The following MTSS1 variants were observed in gnomAD, a reference collection of about 807,000 sequenced individuals.
MTSS1 encodes the protein MTSS I-BAR domain containing 1.
Under a neutral mutation model 79.0 loss-of-function variants are expected in MTSS1, and 18 were observed. The ratio of observed to expected loss-of-function variants is 0.23; its 90% CI spans 0.16 to 0.34. MTSS1 has a LOEUF of 0.34. Among genes scored for constraint, MTSS1 ranks in the 10% least tolerant of loss-of-function variants. The probability of loss-of-function intolerance (pLI) is 1.00; values close to 1 mark genes in which losing one functional copy is unlikely to be tolerated. For missense variants in MTSS1, 815 were observed against 986.2 expected (o/e 0.83, Z 2.33); for synonymous variants, 341 against 368.6 (o/e 0.93, Z 0.86).
At chr8:124,574,686 G>A (rs919112667) in intron 6 of MTSS1, among the ~76,000 whole-genome samples, 3 of 152,194 alleles carry the variant, frequency 2.0e-5, no homozygotes, top group East Asian at 3.8e-4. Flanking sequence ...ACAAGCCAGT[G>A]GCTGTTCTCT....
chr8:124,562,630 C>T (rs1314639616), intron 10 of MTSS1, 152 bp downstream of exon 10: 4 of 761,922 alleles, frequency 5.2e-6, no homozygotes, highest in African/African-American at 1.8e-5. Flanking sequence ...TTTAGGGGAA[C>T]AATACATCTA....
At chr8:124,596,234 G>A (rs186641278) in intron 3 of MTSS1, among the ~76,000 whole-genome samples, 38 of 152,286 alleles carry the variant, frequency 2.5e-4, no homozygotes, top group African/African-American at 8.9e-4. Flanking sequence ...CTTGAAAGGA[G>A]AAGAAAGAAA....
At chr8:124,654,406 C>T (rs1361440275) in intron 3 of MTSS1, among the ~76,000 whole-genome samples, 12 of 152,232 alleles carry the variant, frequency 7.9e-5, no homozygotes, top group African/African-American at 1.7e-4. Flanking sequence ...TCACTTTCCA[C>T]GGTGAGAGGA....
rs147694951 is a variant in MTSS1 at position 124,678,055 on chromosome 8, C to T, written c.208+21471G>A. On this transcript the variant is annotated intron_variant, in intron 3 of 13. Coordinates refer to ENST00000518547, the MANE Select transcript of MTSS1 (RefSeq NM_014751.6). ...CTTTTCCCCCAAACATTTTGATCCCCGAGAGATTTTAGTGTTATAGCTTCA... is the reference window on the plus strand; with the variant it reads ...CTTTTCCCCCAAACATTTTGATCCCTGAGAGATTTTAGTGTTATAGCTTCA... 5.5e-3 allele frequency among the ~76,000 whole-genome samples: 842 copies of T among 152,192 alleles called. 2 individuals are homozygous for T. Among genetic ancestry groups the T allele is most frequent in the Non-Finnish European group, 9.2e-3 (625 of 68,018 alleles).
In MTSS1 at chr8:124,668,176, A is replaced by C. The variant is rs185052730; in HGVS notation, c.208+31350T>G. ...CAGGCCCGGCCAGCAACTGAGGAGGACACAGCGCAAGCGGCCACACGTGTG... is the reference window on the plus strand; with the variant it reads ...CAGGCCCGGCCAGCAACTGAGGAGGCCACAGCGCAAGCGGCCACACGTGTG... On this transcript the variant is annotated intron_variant, in intron 3 of 13. Transcript: ENST00000518547. Among the ~76,000 whole-genome samples the C allele has an allele frequency of 1.8e-3, 271 of 152,344 alleles. 1 individual carries two copies. The highest frequency in any genetic ancestry group is 6.3e-3 in the African/African-American group (261 of 41,580).
intron 3 of MTSS1, among the ~76,000 whole-genome samples, chr8:124,600,896 C>T (rs375243986): frequency 1.3e-5 from 2 of 152,074 alleles, no homozygotes; most frequent in Non-Finnish European, 2.9e-5. Flanking sequence ...GCATCCACAA[C>T]GTGGTTATTT....
chr8:124,686,521 T>C (rs1326803204), intron 3 of MTSS1, among the ~76,000 whole-genome samples: 1 of 152,152 alleles, frequency 6.6e-6, no homozygotes, highest in Non-Finnish European at 1.5e-5. Context: ...TTATGAATGA[T>C]TTCAAACCTA....
chr8:124,568,739 T>G lies in MTSS1; in HGVS notation c.461-203A>C, dbSNP rs1028080513. 4.1e-6 allele frequency: 6 copies of G among 1,481,002 alleles called. No individual in the cohort carries two copies. The African/African-American group carries it at 8.4e-5, about 21-fold the overall frequency. 91.7% of individuals were successfully genotyped at this position (1,481,002 alleles called of 1,614,324 possible). A position where few individuals can be genotyped will look rare whatever the true frequency, so the allele number is the denominator to read the frequency against. On this transcript the variant is annotated intron_variant, in intron 6 of 13. Transcript: ENST00000518547. ...CAATTTTCAATGCCCAAAGGGCACA[T>G]TTAGCCTGGCTTATTCCTGACAAGG... is the stretch of plus-strand genomic sequence containing the variant.
At chr8:124,657,046 T>C (rs780613423) in intron 3 of MTSS1, among the ~76,000 whole-genome samples, 15 of 152,152 alleles carry the variant, frequency 9.9e-5, no homozygotes, top group Non-Finnish European at 1.5e-4. Flanking sequence ...TGCAAGACAT[T>C]TGAGTCAACT....
chr8:124,715,328 C>A (rs969253894), intron 1 of MTSS1, among the ~76,000 whole-genome samples: 13 of 152,002 alleles, frequency 8.6e-5, no homozygotes, highest in Admixed American at 6.5e-4. Context: ...TTTTTATGTT[C>A]TTTTCTTTTT....
chr8:124,688,787 G>A (rs897194647), intron 3 of MTSS1, among the ~76,000 whole-genome samples: 3 of 152,148 alleles, frequency 2.0e-5, no homozygotes, highest in African/African-American at 7.2e-5. Context: ...TGCTTAGGTG[G>A]TTTTTAAGGG....
intron 3 of MTSS1, among the ~76,000 whole-genome samples, chr8:124,621,939 G>A (rs990912399): frequency 1.1e-4 from 17 of 152,160 alleles, no homozygotes; most frequent in Admixed American, 4.6e-4. Flanking sequence ...TGAACCATCC[G>A]TTTCAGGTTT....
chr8:124,716,596 C>G lies in MTSS1; in HGVS notation c.72+11288G>C, dbSNP rs527647715. The stretch of plus-strand genomic sequence containing the variant: ...CTAACACTACAGGTTCTAAGCCCCA[C>G]CCCCAGATCAACAAAAAGTCTCCTG... On this transcript the variant is annotated intron_variant, in intron 1 of 13. Coordinates refer to ENST00000518547, the MANE Select transcript of MTSS1 (RefSeq NM_014751.6). Among the ~76,000 whole-genome samples the G allele has an allele frequency of 4.6e-5, 7 of 152,276 alleles. No individual in the cohort carries two copies. The East Asian group carries it at 1.4e-3, about 29-fold the overall frequency.
chr8:124,575,814 G>A (rs1260750696), intron 6 of MTSS1, among the ~76,000 whole-genome samples: 1 of 152,124 alleles, frequency 6.6e-6, no homozygotes, highest in Non-Finnish European at 1.5e-5. Flanking sequence ...CATCCAGAGT[G>A]TCTCCAACAG....
At chr8:124,568,244 G>A (rs1430946665) in intron 7 of MTSS1, 135 bp downstream of exon 7, 1 of 1,018,948 alleles carries the variant, frequency 9.8e-7, no homozygotes, top group African/African-American at 1.6e-5. Context: ...CTGAATCGCT[G>A]GTCTGTACAG....
chr8:124,694,707 C>A (rs1292773422), intron 3 of MTSS1, among the ~76,000 whole-genome samples: 1 of 151,986 alleles, frequency 6.6e-6, no homozygotes, highest in Admixed American at 6.6e-5. Flanking sequence ...CAAATGCATG[C>A]CACTCAGTTC....
chr8:124,720,500 T>A (rs1200358618), intron 1 of MTSS1, among the ~76,000 whole-genome samples: 2 of 152,216 alleles, frequency 1.3e-5, no homozygotes, highest in Non-Finnish European at 2.9e-5. Context: ...CAGGCCTCAA[T>A]GTATCTGACT....
At chr8:124,605,422 C>T (rs971332299) in intron 3 of MTSS1, among the ~76,000 whole-genome samples, 10 of 152,154 alleles carry the variant, frequency 6.6e-5, no homozygotes, top group African/African-American at 2.4e-4. Flanking sequence ...CAGAAGGTGG[C>T]CAGATGAATA....
intron 3 of MTSS1, among the ~76,000 whole-genome samples, chr8:124,612,985 GA>G (rs1418044036): frequency 1.3e-5 from 2 of 152,022 alleles, no homozygotes; most frequent in African/African-American, 4.8e-5. Flanking sequence ...GCTATGACAG[GA>G]AAAAAGGTCT....
Sources: allele counts gnomAD v4.1 joint callset (sites outside exome capture counted in the v4.1 genomes callset), GRCh38; gene constraint gnomAD v4.1.1; transcripts MANE v1.5; gene names NCBI Gene and HGNC (gene_info 2026-07-23, HGNC 2026-07-21).